Variants in MEIKIN observed in about 807,000 individuals in gnomAD.
The protein encoded by MEIKIN is meiotic kinetochore factor, also known as meiosis-specific kinetochore protein.
intron 4 of MEIKIN, 123 bp from the exon 5 acceptor site, chr5:131,933,764 G>C (rs1235484802): frequency 2.6e-6 from 1 of 383,500 alleles, no homozygotes; most frequent in Non-Finnish European, 4.6e-6. Context: ...ACATAAGACT[G>C]CTTCTACATA....
chr5:131,940,978 C>G (rs1032685844), intron 4 of MEIKIN, among the ~76,000 whole-genome samples: 1 of 151,942 alleles, frequency 6.6e-6, no homozygotes, highest in African/African-American at 2.4e-5. Flanking sequence ...CCAGCCCCCC[C>G]GATAGTTCAC....
chr5:131,875,190 G>A (rs971398157), intron 9 of MEIKIN, among the ~76,000 whole-genome samples: 2 of 152,002 alleles, frequency 1.3e-5, no homozygotes, highest in Non-Finnish European at 2.9e-5. Context: ...ATTAGGAAAA[G>A]AGGAAGTCAA....
intron 5 of MEIKIN, among the ~76,000 whole-genome samples, chr5:131,933,210 G>C (rs891317719): frequency 1.3e-5 from 2 of 152,150 alleles, no homozygotes; most frequent in African/African-American, 4.8e-5. Context: ...GGAAAAAAAA[G>C]ATAACACATG....
intron 9 of MEIKIN, among the ~76,000 whole-genome samples, chr5:131,877,426 T>A (rs1750635066): frequency 6.6e-6 from 1 of 152,154 alleles, no homozygotes; most frequent in South Asian, 2.1e-4. Context: ...GTGGATCGCT[T>A]GAACCCAGGA....
rs746685187 is a variant in MEIKIN at position 131,869,068 on chromosome 5, T to C, written c.774+9910A>G. ...AGTCATCACCATACTCAAGGTCACC[T>C]AGATTTTATCCTATGTTATCTTCTA... On this transcript the variant is annotated intron_variant, in intron 9 of 12. Coordinates refer to ENST00000442687, the MANE Select transcript of MEIKIN (RefSeq NM_001303622.2). Among the ~76,000 whole-genome samples the C allele has an allele frequency of 3.9e-5, 6 of 152,234 alleles. 1 individual carries two copies. Among genetic ancestry groups the C allele is most frequent in the Non-Finnish European group, 5.9e-5 (4 of 68,032 alleles).
At position 131,882,457 on chromosome 5, in the gene MEIKIN, A is replaced by G. The variant is rs1031073706; in HGVS notation, c.704-3409T>C. Among the ~76,000 whole-genome samples the G allele has an allele frequency of 1.1e-4, 17 of 152,328 alleles. No individual in the cohort carries two copies. In the East Asian group the frequency reaches 3.1e-3, roughly 28 times the overall value. On this transcript the variant is annotated intron_variant, in intron 8 of 12. Transcript: ENST00000442687. Reference sequence around the variant, plus strand: ...GCAGAAAGAATAGGTGAAACACAGTAGTTTCTCAGATTTATATTTAGATTA... The same window carrying G: ...GCAGAAAGAATAGGTGAAACACAGTGGTTTCTCAGATTTATATTTAGATTA...
intron 8 of MEIKIN, among the ~76,000 whole-genome samples, chr5:131,887,907 T>G: frequency 8.0e-6 from 1 of 124,702 alleles, no homozygotes; most frequent in Non-Finnish European, 1.6e-5. Flanking sequence ...CCCCTTCCTG[T>G]GTCCATGTGT....
intron 11 of MEIKIN, among the ~76,000 whole-genome samples, chr5:131,830,348 T>C (rs939438333): frequency 3.9e-5 from 6 of 152,130 alleles, no homozygotes; most frequent in African/African-American, 1.4e-4. Context: ...AGTGAGCCAT[T>C]ATCGTGCCAC....
At chr5:131,935,214 T>C (rs574636202) in intron 4 of MEIKIN, among the ~76,000 whole-genome samples, 3 of 139,196 alleles carry the variant, frequency 2.2e-5, no homozygotes, top group East Asian at 4.2e-4. Context: ...GAGGATCATC[T>C]GAGCCCAGGA....
intron 11 of MEIKIN, among the ~76,000 whole-genome samples, chr5:131,819,798 C>T (rs560010325): frequency 3.3e-5 from 3 of 90,436 alleles, no homozygotes; most frequent in Non-Finnish European, 5.6e-5. Context: ...TTTTTTGAGA[C>T]GGAGTCTCGC....
intron 12 of MEIKIN, among the ~76,000 whole-genome samples, chr5:131,808,481 CTA>C (rs1772889297): frequency 6.6e-6 from 1 of 152,304 alleles, no homozygotes; most frequent in South Asian, 2.1e-4. Context: ...GCACCAGTAC[CTA>C]TGTTAGTCAC....
chr5:131,904,607 G>T (rs1751214207), intron 8 of MEIKIN, among the ~76,000 whole-genome samples: 1 of 152,172 alleles, frequency 6.6e-6, no homozygotes, highest in Non-Finnish European at 1.5e-5. Context: ...TCTAGAATCA[G>T]AACTACTATT....
At chr5:131,814,308 A>C (rs1339967710) in intron 12 of MEIKIN, among the ~76,000 whole-genome samples, 1 of 146,316 alleles carries the variant, frequency 6.8e-6, no homozygotes, top group East Asian at 2.0e-4. Flanking sequence ...ACAGGATCTC[A>C]CTCTATTGCT....
chr5:131,914,432 A>G (rs1467626942), intron 7 of MEIKIN, among the ~76,000 whole-genome samples: 1 of 149,054 alleles, frequency 6.7e-6, no homozygotes, highest in Non-Finnish European at 1.5e-5. Context: ...AGGAAGGAAG[A>G]AGGATGGACA....
intron 11 of MEIKIN, among the ~76,000 whole-genome samples, chr5:131,821,986 A>G (rs570295224): frequency 6.6e-6 from 1 of 152,274 alleles, no homozygotes; most frequent in South Asian, 2.1e-4. Context: ...TTAGGTGCAC[A>G]TGTATTCACA....
intron 6 of MEIKIN, among the ~76,000 whole-genome samples, chr5:131,921,520 G>C (rs893964165): frequency 2.6e-5 from 4 of 152,008 alleles, no homozygotes; most frequent in African/African-American, 9.7e-5. Context: ...AACTAGCTGT[G>C]GTGGCACGTG....
intron 4 of MEIKIN, among the ~76,000 whole-genome samples, chr5:131,938,184 T>G (rs1402941471): frequency 1.6e-5 from 2 of 128,296 alleles, no homozygotes; most frequent in Non-Finnish European, 3.3e-5. Flanking sequence ...TTTTTTTTTT[T>G]GAGATGGAGT....
chr5:131,828,834 G>A (rs1419567230), intron 11 of MEIKIN, among the ~76,000 whole-genome samples: 1 of 152,104 alleles, frequency 6.6e-6, no homozygotes, highest in African/African-American at 2.4e-5. Flanking sequence ...CATGCACTCA[G>A]AATTTCTAAA....
chr5:131,870,146 G>C (rs973866024), intron 9 of MEIKIN, among the ~76,000 whole-genome samples: 1 of 149,718 alleles, frequency 6.7e-6, no homozygotes, highest in Admixed American at 6.7e-5. Context: ...TTATGCATTT[G>C]TGTGCCTTTA....
Sources: allele counts gnomAD v4.1 joint callset (sites outside exome capture counted in the v4.1 genomes callset), GRCh38; gene constraint gnomAD v4.1.1; transcripts MANE v1.5; gene names NCBI Gene and HGNC (gene_info 2026-07-23, HGNC 2026-07-21).